The following GLIS3 variants were observed in gnomAD, a reference collection of about 807,000 sequenced individuals.
GLIS3 encodes GLIS family zinc finger 3, also known as zinc finger protein GLIS3.
Under a neutral mutation model 78.6 loss-of-function variants are expected in GLIS3, and 53 were observed. The observed-to-expected ratio is 0.67, with a 90% confidence interval of 0.54 to 0.85. The LOEUF (loss-of-function observed/expected upper bound fraction) is 0.85. GLIS3 is among the 40% of genes least tolerant of loss of function. The probability of loss-of-function intolerance (pLI) is 0.00; values close to 1 mark genes in which losing one functional copy is unlikely to be tolerated. For missense variants in GLIS3, 1,703 were observed against 1,231.1 expected (o/e 1.38, Z -5.74); for synonymous variants, 684 against 509.9 (o/e 1.34, Z -4.60).
At chr9:4,085,922 C>G (rs1304638899) in intron 4 of GLIS3, among the ~76,000 whole-genome samples, 2 of 152,158 alleles carry the variant, frequency 1.3e-5, no homozygotes, top group African/African-American at 4.8e-5. Context: ...CAAATTAAAC[C>G]TCTTTTCTCA....
intron 9 of GLIS3, among the ~76,000 whole-genome samples, chr9:3,845,501 T>C (rs1006462624): frequency 6.6e-6 from 1 of 152,184 alleles, no homozygotes; most frequent in Non-Finnish European, 1.5e-5. Flanking sequence ...ACTTAAACTA[T>C]AAGTTTCAGT....
chr9:4,417,907 T>C, the GLIS3 span, among the ~76,000 whole-genome samples: 1 of 152,198 alleles, frequency 6.6e-6, no homozygotes, highest in African/African-American at 2.4e-5. Context: ...TTGGTATATC[T>C]GTCAATATAG....
intron 2 of GLIS3, among the ~76,000 whole-genome samples, chr9:4,201,533 A>G (rs983803613): frequency 1.3e-5 from 2 of 152,226 alleles, no homozygotes; most frequent in African/African-American, 2.4e-5. Flanking sequence ...GTTTTTATAC[A>G]CTAATAACAT....
At chr9:4,275,784 G>GTAAATAAA (rs1402434929) in intron 2 of GLIS3, among the ~76,000 whole-genome samples, 1 of 151,894 alleles carries the variant, frequency 6.6e-6, no homozygotes, top group African/African-American at 2.4e-5. Flanking sequence ...AAGCAAGTAA[G>GTAAATAAA]TAAATAAATA....
intron 9 of GLIS3, among the ~76,000 whole-genome samples, chr9:3,833,553 G>T (rs1818174615): frequency 2.0e-5 from 3 of 152,176 alleles, no homozygotes; most frequent in Non-Finnish European, 2.9e-5. Flanking sequence ...GTGGTGGCAA[G>T]GTCAGCCAAT....
At chr9:3,879,620 G>C (rs1821595394) in intron 7 of GLIS3, 25 bp from the exon 8 acceptor site, 1 of 1,613,364 alleles carries the variant, frequency 6.2e-7, no homozygotes, top group Non-Finnish European at 8.5e-7. Flanking sequence ...GAACAAACAT[G>C]AGACCGTGCC....
At chr9:4,283,512 T>G (rs1048179735) in intron 2 of GLIS3, among the ~76,000 whole-genome samples, 4 of 152,142 alleles carry the variant, frequency 2.6e-5, no homozygotes, top group African/African-American at 9.6e-5. Flanking sequence ...ATGATCTGCC[T>G]GCCTTGGCCT....
chr9:4,467,040 C>T, the GLIS3 span, among the ~76,000 whole-genome samples: 3 of 152,212 alleles, frequency 2.0e-5, no homozygotes, highest in Non-Finnish European at 4.4e-5. Flanking sequence ...ACTGCTAGCA[C>T]AGCAGTTTGA....
the GLIS3 span, among the ~76,000 whole-genome samples, chr9:4,456,675 A>T: frequency 6.6e-6 from 1 of 152,206 alleles, no homozygotes; most frequent in African/African-American, 2.4e-5. Flanking sequence ...AATTTAAAGC[A>T]ACTCTTCCTT....
the GLIS3 span, among the ~76,000 whole-genome samples, chr9:4,484,567 G>C: frequency 2.6e-5 from 4 of 151,116 alleles, no homozygotes; most frequent in East Asian, 5.9e-4. Context: ...TACAGGCCCT[G>C]CCACCACACC....
At chr9:4,102,405 T>C (rs1164756290) in intron 4 of GLIS3, among the ~76,000 whole-genome samples, 1 of 152,172 alleles carries the variant, frequency 6.6e-6, no homozygotes, top group East Asian at 1.9e-4. Flanking sequence ...GCCCTGTCTC[T>C]ACAATGAATA....
At chr9:3,917,601 A>ATT (rs5896034) in intron 6 of GLIS3, among the ~76,000 whole-genome samples, 17 of 146,390 alleles carry the variant, frequency 1.2e-4, no homozygotes, top group South Asian at 4.4e-4. Flanking sequence ...TCCATCCATT[A>ATT]TTTTTTTTTT....
chr9:4,345,885 G>C (rs1437517258), intron 2 of GLIS3, among the ~76,000 whole-genome samples: 1 of 152,092 alleles, frequency 6.6e-6, no homozygotes, highest in Non-Finnish European at 1.5e-5. Context: ...AAGCATCAGA[G>C]CACAATTTGA....
intron 2 of GLIS3, among the ~76,000 whole-genome samples, chr9:4,344,130 C>T (rs554786855): frequency 6.6e-6 from 1 of 152,282 alleles, no homozygotes; most frequent in South Asian, 2.1e-4. Flanking sequence ...TAACATACCT[C>T]CTCTTCCATC....
chr9:4,195,309 G>A (rs1166603280), intron 2 of GLIS3, among the ~76,000 whole-genome samples: 1 of 152,188 alleles, frequency 6.6e-6, no homozygotes, highest in African/African-American at 2.4e-5. Context: ...GAGAGGCGCG[G>A]GTGGGAACTG....
At chr9:4,276,832 G>C (rs911243201) in intron 2 of GLIS3, among the ~76,000 whole-genome samples, 1 of 152,070 alleles carries the variant, frequency 6.6e-6, no homozygotes, top group Non-Finnish European at 1.5e-5. Context: ...GTAAACAAAA[G>C]TAAACATTGT....
the GLIS3 span, among the ~76,000 whole-genome samples, chr9:4,458,106 C>T: frequency 6.6e-6 from 1 of 152,048 alleles, no homozygotes; most frequent in Non-Finnish European, 1.5e-5. Context: ...TCAAGCTCAG[C>T]CAGAACTCAT....
At chr9:3,994,730 C>T (rs928635300) in intron 4 of GLIS3, among the ~76,000 whole-genome samples, 87 of 152,186 alleles carry the variant, frequency 5.7e-4, no homozygotes, top group African/African-American at 2.0e-3. Flanking sequence ...TTTTAAAAAT[C>T]AAAACTGATT....
the GLIS3 span, among the ~76,000 whole-genome samples, chr9:4,408,274 A>C: frequency 6.6e-6 from 1 of 152,148 alleles, no homozygotes; most frequent in Non-Finnish European, 1.5e-5. Context: ...TATATATCCG[A>C]AAGAAAGGAA....
Sources: allele counts gnomAD v4.1 joint callset (sites outside exome capture counted in the v4.1 genomes callset), GRCh38; gene constraint gnomAD v4.1.1; transcripts MANE v1.5; gene names NCBI Gene and HGNC (gene_info 2026-07-23, HGNC 2026-07-21).